Variants in PIK3C2G observed in about 807,000 individuals in gnomAD.
PIK3C2G encodes phosphatidylinositol 3-kinase C2 domain-containing subunit gamma.
Under a neutral mutation model 181.1 loss-of-function variants are expected in PIK3C2G, and 168 were observed. That is an observed-to-expected ratio of 0.93 (90% CI 0.82 to 1.05). PIK3C2G has a LOEUF of 1.05. PIK3C2G is among the 50% of genes least tolerant of loss of function. The probability of loss-of-function intolerance (pLI) is 0.00; values close to 1 mark genes in which losing one functional copy is unlikely to be tolerated. For synonymous variants in PIK3C2G, 573 were observed against 592.2 expected (o/e 0.97, Z 0.47); for missense variants, 1,869 against 1,732.8 (o/e 1.08, Z -1.40).
intron 11 of PIK3C2G, among the ~76,000 whole-genome samples, chr12:18,359,636 T>C (rs1941056338): frequency 1.3e-5 from 2 of 152,196 alleles, no homozygotes; most frequent in South Asian, 2.1e-4. Context: ...TGTTCTGACG[T>C]TGGGTACAGA....
chr12:18,497,518 A>G (rs1434149110), intron 21 of PIK3C2G, 101 bp from the exon 22 acceptor site: 2 of 845,606 alleles, frequency 2.4e-6, no homozygotes, highest in East Asian at 5.5e-5. Context: ...AAGTCAGGCT[A>G]GAAATGTATC....
the PIK3C2G span, chr12:18,705,393 G>T: frequency 6.5e-7 from 1 of 1,534,766 alleles, no homozygotes; most frequent in Non-Finnish European, 9.0e-7. Flanking sequence ...AGTGCTTAAT[G>T]TATTTTAAAA....
Position 18,641,354 on chromosome 12 carries a change from G to A in PIK3C2G, c.4308+800G>A, listed in dbSNP as rs534760538. ...TTATTGATAGTACTTTATTCAAGGGGCATCAATAGACTCCTAACTGCTAAA... is the reference window on the plus strand; with the variant it reads ...TTATTGATAGTACTTTATTCAAGGGACATCAATAGACTCCTAACTGCTAAA... On this transcript the variant is annotated intron_variant, in intron 32 of 32. Transcript: ENST00000538779. Among the ~76,000 whole-genome samples the A allele has an allele frequency of 3.9e-5, 6 of 152,158 alleles. No homozygotes were observed. In the East Asian group the frequency reaches 5.8e-4, roughly 15 times the overall value.
rs183223768 is a variant in PIK3C2G, at chr12:18,492,366, T to C, written c.2793+808T>C. On this transcript the variant is annotated intron_variant, in intron 20 of 32. Transcript: ENST00000538779. Reference sequence around the variant, plus strand: ...AGGTGAAAAATTAGACCATTATTACTGTGAATGTAAAATGTTTTGCTAAAA... The same window carrying C: ...AGGTGAAAAATTAGACCATTATTACCGTGAATGTAAAATGTTTTGCTAAAA... Among the ~76,000 whole-genome samples, 1,339 of 152,296 alleles carry C rather than the reference T, an allele frequency of 8.8e-3. 25 individuals carry two copies. The highest frequency in any genetic ancestry group is 0.031 in the African/African-American group (1,276 of 41,548).
chr12:18,279,531 G>T (rs538304088), intron 1 of PIK3C2G, among the ~76,000 whole-genome samples: 16 of 152,036 alleles, frequency 1.1e-4, no homozygotes, highest in South Asian at 8.3e-4. Flanking sequence ...TCACTTTAAT[G>T]TAGCTACATT....
the PIK3C2G span, among the ~76,000 whole-genome samples, chr12:18,659,405 G>A: frequency 3.3e-5 from 5 of 152,088 alleles, no homozygotes; most frequent in African/African-American, 7.2e-5. Flanking sequence ...GGGATTAAGC[G>A]GCTGACCTGA....
the PIK3C2G span, among the ~76,000 whole-genome samples, chr12:18,672,766 C>T: frequency 6.6e-6 from 1 of 152,114 alleles, no homozygotes; most frequent in Admixed American, 6.6e-5. Context: ...CTCCCTTCAA[C>T]CTCCTGGTAG....
intron 17 of PIK3C2G, among the ~76,000 whole-genome samples, chr12:18,421,911 A>C (rs986292795): frequency 1.3e-5 from 2 of 152,060 alleles, no homozygotes; most frequent in Middle Eastern, 3.2e-3. Flanking sequence ...ATTTCTCTGA[A>C]GTTCTCCTTA....
At chr12:18,499,746 T>C (rs1054908547) in intron 22 of PIK3C2G, among the ~76,000 whole-genome samples, 1 of 152,222 alleles carries the variant, frequency 6.6e-6, no homozygotes, top group Admixed American at 6.5e-5. Context: ...TATGCACCCT[T>C]GTCTGAAAGA....
intron 24 of PIK3C2G, among the ~76,000 whole-genome samples, chr12:18,517,988 A>G (rs549645264): frequency 2.0e-5 from 3 of 152,328 alleles, no homozygotes; most frequent in African/African-American, 7.2e-5. Context: ...TATTGAGATA[A>G]CCATGTGGTT....
chr12:18,558,786 T>C (rs908454291), intron 26 of PIK3C2G, among the ~76,000 whole-genome samples: 18 of 152,356 alleles, frequency 1.2e-4, no homozygotes, highest in East Asian at 5.8e-4. Context: ...ACTGTAAAGC[T>C]ATTATCTACC....
At chr12:18,460,469 G>C (rs969373289) in intron 18 of PIK3C2G, among the ~76,000 whole-genome samples, 4 of 152,002 alleles carry the variant, frequency 2.6e-5, no homozygotes, top group Admixed American at 6.5e-5. Context: ...AGCTACTCAG[G>C]AGGCTGAGAC....
chr12:18,471,931 A>G (rs1938499620), intron 18 of PIK3C2G, among the ~76,000 whole-genome samples: 1 of 152,152 alleles, frequency 6.6e-6, no homozygotes, highest in African/African-American at 2.4e-5. Flanking sequence ...AGATCTGTAG[A>G]TTCATAATAG....
chr12:18,601,126 C>T (rs1947685172), intron 30 of PIK3C2G, among the ~76,000 whole-genome samples: 1 of 151,712 alleles, frequency 6.6e-6, no homozygotes, highest in African/African-American at 2.4e-5. Flanking sequence ...GACAGAAATG[C>T]AAGAACAGTT....
the PIK3C2G span, among the ~76,000 whole-genome samples, chr12:18,671,374 G>A: frequency 1.3e-5 from 2 of 152,006 alleles, no homozygotes; most frequent in East Asian, 3.9e-4. Context: ...GGAAGAAACA[G>A]ACACATGTAG....
At chr12:18,491,180 A>G (rs2136064037) in intron 19 of PIK3C2G, among the ~76,000 whole-genome samples, 1 of 152,134 alleles carries the variant, frequency 6.6e-6, no homozygotes, top group Admixed American at 6.5e-5. Flanking sequence ...TGAACAGTAC[A>G]GTGCTTTGTT....
chr12:18,298,953 T>A (rs1232714041), intron 5 of PIK3C2G, among the ~76,000 whole-genome samples: 1 of 151,924 alleles, frequency 6.6e-6, no homozygotes, highest in East Asian at 1.9e-4. Context: ...TTACGATAAC[T>A]TTGTAATGTA....
intron 1 of PIK3C2G, among the ~76,000 whole-genome samples, chr12:18,254,311 A>G (rs1469892774): frequency 6.6e-6 from 1 of 152,064 alleles, no homozygotes; most frequent in Non-Finnish European, 1.5e-5. Context: ...AGGTCCATCT[A>G]TGACCACTGT....
chr12:18,300,570 C>G (rs1457949223), intron 5 of PIK3C2G, among the ~76,000 whole-genome samples: 3 of 152,014 alleles, frequency 2.0e-5, no homozygotes, highest in Non-Finnish European at 4.4e-5. Flanking sequence ...ATCCATTCAA[C>G]CAATCTGTAT....
Sources: allele counts gnomAD v4.1 joint callset (sites outside exome capture counted in the v4.1 genomes callset), GRCh38; gene constraint gnomAD v4.1.1; transcripts MANE v1.5; gene names NCBI Gene and HGNC (gene_info 2026-07-23, HGNC 2026-07-21).